The following TSHZ2 variants were observed in gnomAD, a reference collection of about 807,000 sequenced individuals.
The protein encoded by TSHZ2 is teashirt homolog 2.
A neutral mutation model predicts 74.4 loss-of-function variants in TSHZ2; 21 were observed. The ratio of observed to expected loss-of-function variants is 0.28; its 90% confidence interval spans 0.20 to 0.41. The LOEUF is 0.41. Among genes scored for constraint, TSHZ2 ranks in the 10% least tolerant of loss-of-function variants. The pLI is 1.00. For missense variants in TSHZ2, 1,244 were observed against 1,293.5 expected (o/e 0.96, Z 0.59); for synonymous variants, 540 against 515.3 (o/e 1.05, Z -0.65).
At chr20:52,987,921 G>A (rs1443759792) in intron 1 of TSHZ2, among the ~76,000 whole-genome samples, 6 of 152,142 alleles carry the variant, frequency 3.9e-5, no homozygotes, top group African/African-American at 1.4e-4. Flanking sequence ...TCTATAGAAT[G>A]AGGGCAGAAA....
chr20:52,992,401 T>A (rs528352400), intron 1 of TSHZ2, among the ~76,000 whole-genome samples: 1 of 152,314 alleles, frequency 6.6e-6, no homozygotes, highest in African/African-American at 2.4e-5. Context: ...CACATGGCAC[T>A]CGTGAACATT....
At position 53,205,449 on chromosome 20, in the gene TSHZ2, T is replaced by G. The variant is rs539396655; in HGVS notation, c.41-48050T>G. 5.3e-5 allele frequency among the ~76,000 whole-genome samples: 8 copies of G among 152,348 alleles called. No homozygotes were observed. In the South Asian group the frequency reaches 1.7e-3, roughly 32 times the overall value. On this transcript the variant is annotated intron_variant, in intron 1 of 2. Coordinates refer to ENST00000371497, the MANE Select transcript of TSHZ2 (RefSeq NM_173485.6). ...CTTTCTGCATTGAGCTGAAACCAAC[T>G]ATTTGTGACTTGAAACACATTTGAT...
chr20:53,036,677 C>CGT (rs1568730096), intron 1 of TSHZ2, among the ~76,000 whole-genome samples: 2 of 65,142 alleles, frequency 3.1e-5, no homozygotes, highest in Non-Finnish European at 5.5e-5. Context: ...ATAATCTGTA[C>CGT]ATAATATGTG....
At chr20:53,279,843 C>A in intron 2 of TSHZ2, among the ~76,000 whole-genome samples, 1 of 152,160 alleles carries the variant, frequency 6.6e-6, no homozygotes, top group East Asian at 1.9e-4. Flanking sequence ...CTTTGAGGGG[C>A]AGCTTCTGAC....
chr20:53,269,523 G>A (rs1363124087), intron 2 of TSHZ2, among the ~76,000 whole-genome samples: 1 of 152,184 alleles, frequency 6.6e-6, no homozygotes, highest in Non-Finnish European at 1.5e-5. Context: ...GGGAAGAACT[G>A]CACTGGAGTT....
At chr20:53,187,056 G>A (rs1317466246) in intron 1 of TSHZ2, among the ~76,000 whole-genome samples, 1 of 152,008 alleles carries the variant, frequency 6.6e-6, no homozygotes, top group Non-Finnish European at 1.5e-5. Flanking sequence ...AGCTGTGGAG[G>A]GAGCAACCTA....
intron 1 of TSHZ2, among the ~76,000 whole-genome samples, chr20:53,012,433 C>A (rs1315884464): frequency 6.6e-6 from 1 of 152,142 alleles, no homozygotes; most frequent in Non-Finnish European, 1.5e-5. Flanking sequence ...CAATCTCAGG[C>A]CTCTGCCAAC....
chr20:53,438,993 A>C (rs1984207758), intron 2 of TSHZ2, among the ~76,000 whole-genome samples: 1 of 152,198 alleles, frequency 6.6e-6, no homozygotes, highest in Non-Finnish European at 1.5e-5. Flanking sequence ...CTGTCGCCTG[A>C]AGGAAACAAC....
rs1986497083 is a variant in TSHZ2 at position 53,493,342 on chromosome 20, G to A, written c.*6207G>A. 6.6e-6 allele frequency: 1 copy of A among 152,178 alleles called. No individual in the cohort carries two copies. 9.4% of individuals were successfully genotyped at this position (152,178 alleles called of 1,614,324 possible). A position where few individuals can be genotyped will look rare whatever the true frequency, so the allele number is the denominator to read the frequency against. Reference sequence around the variant, plus strand: ...TCTGCATGAGTCCCGTCCAATTGCTGGATCTAGGGAGGAACCAACTTCCTA... The same window carrying A: ...TCTGCATGAGTCCCGTCCAATTGCTAGATCTAGGGAGGAACCAACTTCCTA... On this transcript the variant is annotated 3_prime_UTR_variant, in exon 3 of 3. Transcript: ENST00000371497.
intron 1 of TSHZ2, among the ~76,000 whole-genome samples, chr20:53,095,590 T>A (rs957868905): frequency 6.6e-6 from 1 of 152,190 alleles, no homozygotes; most frequent in South Asian, 2.1e-4. Flanking sequence ...AAAAGCCAGC[T>A]TGCTCCCCAA....
chr20:53,365,154 C>T (rs1373403630), intron 2 of TSHZ2, among the ~76,000 whole-genome samples: 1 of 152,244 alleles, frequency 6.6e-6, no homozygotes, highest in African/African-American at 2.4e-5. Flanking sequence ...ATGTATTTCT[C>T]TAACTTCTGA....
chr20:53,214,026 G>A (rs1029443007), intron 1 of TSHZ2, among the ~76,000 whole-genome samples: 9 of 152,212 alleles, frequency 5.9e-5, no homozygotes, highest in Admixed American at 2.0e-4. Context: ...CATAGGTGTC[G>A]GCCTTACATT....
At chr20:53,231,616 A>G (rs1487381295) in intron 1 of TSHZ2, among the ~76,000 whole-genome samples, 1 of 152,130 alleles carries the variant, frequency 6.6e-6, no homozygotes, top group Non-Finnish European at 1.5e-5. Flanking sequence ...ACATATATAC[A>G]CATATTTACT....
At chr20:53,010,515 G>A (rs1284309166) in intron 1 of TSHZ2, among the ~76,000 whole-genome samples, 1 of 152,122 alleles carries the variant, frequency 6.6e-6, no homozygotes, top group Admixed American at 6.6e-5. Flanking sequence ...TTTTATGTGT[G>A]CCCAGCCTGT....
intron 2 of TSHZ2, among the ~76,000 whole-genome samples, chr20:53,289,450 C>T (rs1700948002): frequency 2.0e-5 from 3 of 152,156 alleles, no homozygotes; most frequent in African/African-American, 7.2e-5. Context: ...AAAGTGTTCC[C>T]TTTCTACCGC....
At chr20:53,127,077 A>G (rs917518653) in intron 1 of TSHZ2, among the ~76,000 whole-genome samples, 2 of 152,194 alleles carry the variant, frequency 1.3e-5, no homozygotes, top group Non-Finnish European at 2.9e-5. Context: ...GAGAGAAGAG[A>G]GAGCGAATGA....
chr20:53,421,686 T>TTTTTTTTG (rs1983475342), intron 2 of TSHZ2: 1 of 137,092 alleles, frequency 7.3e-6, no homozygotes, highest in African/African-American at 2.9e-5. Context: ...TTTTGGTTTT[T>TTTTTTTTG]TTTTTTTTTT....
At chr20:52,994,292 G>C (rs538380299) in intron 1 of TSHZ2, among the ~76,000 whole-genome samples, 1 of 152,284 alleles carries the variant, frequency 6.6e-6, no homozygotes, top group South Asian at 2.1e-4. Flanking sequence ...TTGAAAGAAT[G>C]AATGGGTGAA....
rs1239012018 is a variant in TSHZ2 at position 53,487,536 on chromosome 20, C to T, written c.*401C>T. 6.6e-6 allele frequency: 1 copy of T among 151,990 alleles called. No homozygotes were observed. Among genetic ancestry groups the T allele is most frequent in the African/African-American group, 2.4e-5 (1 of 41,356 alleles). The allele number at this position is 151,990 out of a possible 1,614,324, so 9.4% of individuals were successfully genotyped here. A position where few individuals can be genotyped will look rare whatever the true frequency, so the allele number is the denominator to read the frequency against. On this transcript the variant is annotated 3_prime_UTR_variant, in exon 3 of 3. Transcript: ENST00000371497. ...CAGGAAAGTGGGGGGGAGTCTAAGT[C>T]TTCATAGTCTAATGTCCAAGTGGGT...
Sources: allele counts gnomAD v4.1 joint callset (sites outside exome capture counted in the v4.1 genomes callset), GRCh38; gene constraint gnomAD v4.1.1; transcripts MANE v1.5; gene names NCBI Gene and HGNC (gene_info 2026-07-23, HGNC 2026-07-21).